The following NCKAP5 variants were observed in gnomAD, a reference collection of about 807,000 sequenced individuals.
NCKAP5 encodes the protein NCK associated protein 5.
NCKAP5 carries 92 observed loss-of-function variants against 167.0 expected under a neutral mutation model. The observed-to-expected ratio is 0.55, with a 90% CI of 0.47 to 0.66. The LOEUF is 0.66. Among genes scored for constraint, NCKAP5 ranks in the 30% least tolerant of loss-of-function variants. The pLI is 0.00. For synonymous variants in NCKAP5, 891 were observed against 877.4 expected, an observed-to-expected ratio of 1.02 and a Z score of -0.27; for missense variants, 2,378 against 2,315.0, an observed-to-expected ratio of 1.03 and a Z score of -0.56.
At chr2:133,483,830 T>C (rs1287311128) in intron 3 of NCKAP5, among the ~76,000 whole-genome samples, 1 of 152,218 alleles carries the variant, frequency 6.6e-6, no homozygotes, top group African/African-American at 2.4e-5. Flanking sequence ...CCATATCTAT[T>C]GAAGCAGAAT....
chr2:133,426,835 C>G (rs1689839312), intron 3 of NCKAP5, among the ~76,000 whole-genome samples: 1 of 152,238 alleles, frequency 6.6e-6, no homozygotes, highest in South Asian at 2.1e-4. Flanking sequence ...TACTATCTTT[C>G]CATTTTTTTT....
Position 133,367,441 on chromosome 2 carries a change from A to C in NCKAP5, c.70-64331T>G, listed in dbSNP as rs149613800. Among the ~76,000 whole-genome samples, 735 of 152,304 alleles carry C rather than the reference A, an allele frequency of 4.8e-3. 6 individuals are homozygous for C. The highest frequency in any genetic ancestry group is 0.017 in the Middle Eastern group (5 of 294). ...TATGCTTTCTAAAGCCAAAAAAGAA[A>C]ATATAAGTTTAAAAACCACTACTGT... On this transcript the variant is annotated intron_variant, in intron 3 of 19. Transcript: ENST00000409261.
At position 132,725,463 on chromosome 2, in the gene NCKAP5, G is replaced by A. The variant is rs979161259; in HGVS notation, c.5713+164C>T. Among the ~76,000 whole-genome samples, 43 of 152,180 alleles carry A rather than the reference G, an allele frequency of 2.8e-4. 1 individual carries two copies. Among genetic ancestry groups the A allele is most frequent in the African/African-American group, 1.0e-3 (42 of 41,440 alleles). On this transcript the variant is annotated intron_variant, in intron 19 of 19. Transcript: ENST00000409261. The stretch of plus-strand genomic sequence containing the variant: ...AGATTACACCAGAAAACAAATGGAT[G>A]TGCATAGACAATCTTCTGTATGTAC...
chr2:133,173,901 C>T (rs548933119), intron 5 of NCKAP5, among the ~76,000 whole-genome samples: 85 of 152,162 alleles, frequency 5.6e-4, no homozygotes, highest in Non-Finnish European at 8.8e-4. Context: ...TAGCTATAAA[C>T]GACAGATATA....
At chr2:133,011,948 C>T (rs766998988) in intron 6 of NCKAP5, among the ~76,000 whole-genome samples, 86 of 152,246 alleles carry the variant, frequency 5.6e-4, no homozygotes, top group Non-Finnish European at 1.0e-3. Flanking sequence ...TATTGCTGGA[C>T]CCCTTGCTTC....
At chr2:132,812,347 T>C (rs2105273120) in intron 11 of NCKAP5, among the ~76,000 whole-genome samples, 1 of 152,274 alleles carries the variant, frequency 6.6e-6, no homozygotes, top group African/African-American at 2.4e-5. Context: ...CTTTATGAGG[T>C]AGAAACTATT....
At chr2:133,162,592 G>A (rs1206957700) in intron 5 of NCKAP5, among the ~76,000 whole-genome samples, 5 of 152,020 alleles carry the variant, frequency 3.3e-5, no homozygotes, top group African/African-American at 7.3e-5. Context: ...CCTTGAGACC[G>A]TCACCTATTA....
intron 4 of NCKAP5, among the ~76,000 whole-genome samples, chr2:133,216,505 T>C (rs2086436010): frequency 6.6e-6 from 1 of 152,240 alleles, no homozygotes; most frequent in Admixed American, 6.5e-5. Context: ...CGTAAGCCAA[T>C]GGCAGGAAGT....
In NCKAP5 at chr2:133,399,167, G is replaced by A. The variant is rs900207068; in HGVS notation, c.70-96057C>T. ...TCTTCATTTTAGGCAGCCCTGATGA[G>A]GTTCTGCTTCTTACAATCACAGCTA... On this transcript the variant is annotated intron_variant, in intron 3 of 19. Coordinates refer to ENST00000409261, the MANE Select transcript of NCKAP5 (RefSeq NM_207363.3). 5.3e-5 allele frequency among the ~76,000 whole-genome samples: 8 copies of A among 152,152 alleles called. No individual in the cohort carries two copies. The South Asian group carries it at 1.7e-3, about 32-fold the overall frequency.
In NCKAP5 at chr2:133,296,773, C is replaced by T. The variant is rs563500206; in HGVS notation, c.143+6264G>A. ...CAGTTTATGCAGGCCAGACAAGAGT[C>T]CAAGTCCCCAAAACCTCCAGTCCAG... On this transcript the variant is annotated intron_variant, in intron 4 of 19. Transcript: ENST00000409261. Among the ~76,000 whole-genome samples the T allele has an allele frequency of 7.6e-4, 115 of 152,260 alleles. 1 individual carries two copies. The highest frequency in any genetic ancestry group is 2.6e-3 in the African/African-American group (108 of 41,556).
chr2:133,368,615 C>G (rs981024092), intron 3 of NCKAP5, among the ~76,000 whole-genome samples: 5 of 152,190 alleles, frequency 3.3e-5, no homozygotes, highest in Admixed American at 6.5e-5. Context: ...CCTTTGACTC[C>G]AAGCCTTGCA....
At chr2:132,679,914 G>T (rs1196478632) in intron 19 of NCKAP5, among the ~76,000 whole-genome samples, 4 of 152,082 alleles carry the variant, frequency 2.6e-5, no homozygotes, top group Admixed American at 6.6e-5. Flanking sequence ...TTTGCGAAGG[G>T]CAGGCCAACC....
intron 8 of NCKAP5, among the ~76,000 whole-genome samples, chr2:132,899,118 C>T (rs1489500779): frequency 6.6e-6 from 1 of 152,204 alleles, no homozygotes; most frequent in African/African-American, 2.4e-5. Flanking sequence ...ATTATTTGAA[C>T]TAGATCTTCT....
At chr2:133,257,698 G>T (rs2088688969) in intron 4 of NCKAP5, among the ~76,000 whole-genome samples, 1 of 152,148 alleles carries the variant, frequency 6.6e-6, no homozygotes, top group Non-Finnish European at 1.5e-5. Context: ...ATAGACAAAG[G>T]AGAACATGAA....
chr2:133,619,610 A>G, the NCKAP5 span, among the ~76,000 whole-genome samples: 1 of 152,096 alleles, frequency 6.6e-6, no homozygotes, highest in Admixed American at 6.6e-5. Context: ...CCTAAGAATA[A>G]ATGTCCAAAC....
intron 6 of NCKAP5, among the ~76,000 whole-genome samples, chr2:133,101,057 T>A (rs1206515867): frequency 1.3e-5 from 2 of 151,962 alleles, no homozygotes. Context: ...AAACCTTTAA[T>A]CCATCTTGAA....
At chr2:133,535,736 T>C (rs1685710464) in intron 2 of NCKAP5, among the ~76,000 whole-genome samples, 1 of 152,188 alleles carries the variant, frequency 6.6e-6, no homozygotes, top group South Asian at 2.1e-4. Flanking sequence ...ATAGAGGTTG[T>C]ACTAATTTTC....
At chr2:133,128,893 T>A (rs1434794288) in intron 6 of NCKAP5, among the ~76,000 whole-genome samples, 1 of 151,764 alleles carries the variant, frequency 6.6e-6, no homozygotes, top group East Asian at 1.9e-4. Context: ...CCACTGCGTC[T>A]GGCCACATTC....
At chr2:133,661,606 T>C in the NCKAP5 span, among the ~76,000 whole-genome samples, 1 of 152,218 alleles carries the variant, frequency 6.6e-6, no homozygotes, top group Non-Finnish European at 1.5e-5. Context: ...ATCGCTACCA[T>C]AATGCGATCC....
Sources: gnomAD v4.1 joint callset for allele counts (sites outside exome capture counted in the v4.1 genomes callset) on GRCh38, gnomAD v4.1.1 for gene constraint, MANE v1.5 for transcripts, NCBI Gene and HGNC (gene_info 2026-07-23, HGNC 2026-07-21) for gene names.